ASB14: variants seen among roughly 807,000 people sequenced by gnomAD.
ASB14 encodes the protein ankyrin repeat and SOCS box protein 14.
ASB14 carries 63 observed loss-of-function variants against 55.6 expected under a neutral mutation model. That is an observed-to-expected ratio of 1.13 (90% CI 0.92 to 1.40). The LOEUF (loss-of-function observed/expected upper bound fraction) is 1.40. ASB14 is among the 40% of genes most tolerant of loss of function. The pLI, the probability that ASB14 is intolerant of heterozygous loss-of-function variation, is 0.00. For missense variants in ASB14, 724 were observed against 710.4 expected, an observed-to-expected ratio of 1.02 and a Z score of -0.22; for synonymous variants, 256 against 259.9, an observed-to-expected ratio of 0.98 and a Z score of 0.15.
At position 57,291,704 on chromosome 3, in the gene ASB14, TTCAGA is replaced by T. The variant is rs1353108719; in HGVS notation, c.122+203_122+207del. The stretch of plus-strand genomic sequence containing the variant: ...TCACCCAGATTTGCTGCTAACCTCC[TTCAGA>T]TATTTTTATTGCCTAATTAAATTCT... On this transcript the variant is annotated intron_variant, in intron 2 of 10. Coordinates refer to ENST00000487349, the MANE Select transcript of ASB14 (RefSeq NM_001142733.3). 5.3e-5 allele frequency among the ~76,000 whole-genome samples: 8 copies of T among 152,336 alleles called. No individual in the cohort carries two copies. In the East Asian group the frequency reaches 1.5e-3, roughly 29 times the overall value.
At chr3:57,277,668 C>A in intron 9 of ASB14, 99 bp downstream of exon 9, 1 of 1,105,244 alleles carries the variant, frequency 9.0e-7, no homozygotes. Flanking sequence ...TTAAGTCAAG[C>A]TTTTAACCAG....
At chr3:57,280,571 T>C in intron 6 of ASB14, 98 bp from the exon 7 acceptor site, 1 of 1,038,054 alleles carries the variant, frequency 9.6e-7, no homozygotes, top group South Asian at 1.7e-5. Flanking sequence ...AAGCAATTAG[T>C]GAGCACGCAC....
intron 5 of ASB14, among the ~76,000 whole-genome samples, chr3:57,284,094 A>ATATG (rs1553640085): frequency 7.3e-5 from 10 of 136,488 alleles, no homozygotes; most frequent in African/African-American, 2.8e-4. Context: ...AACACTGTGT[A>ATATG]TGTGTGTGTG....
At chr3:57,273,193 T>G (rs2060958055) in intron 10 of ASB14, 1 of 152,654 alleles carries the variant, frequency 6.6e-6, no homozygotes, top group African/African-American at 2.4e-5. Flanking sequence ...CTTTGTATAT[T>G]TGGTGATTTT....
intron 10 of ASB14, chr3:57,270,966 C>T (rs2107615547): frequency 6.6e-6 from 1 of 152,096 alleles, no homozygotes; most frequent in East Asian, 1.9e-4. Context: ...TTTCTGTAAT[C>T]ACTTTTAACA....
intron 2 of ASB14, among the ~76,000 whole-genome samples, chr3:57,290,734 T>A (rs1393883290): frequency 6.6e-6 from 1 of 152,196 alleles, no homozygotes; most frequent in Non-Finnish European, 1.5e-5. Flanking sequence ...TTAGCCCAAC[T>A]CTCTTATACC....
chr3:57,288,039 C>T lies in ASB14; in HGVS notation c.331G>A (p.Glu111Lys). The T allele has an allele frequency of 1.3e-6, 2 of 1,537,314 alleles. No homozygotes were observed. The highest frequency in any genetic ancestry group is 2.4e-5 in the South Asian group (2 of 84,054). Residue 111 changes from glutamate (E) to lysine (K), a missense_variant, in exon 5 of 11, where the codon GAG (glutamate) becomes AAG (lysine). Coordinates refer to ENST00000487349, the MANE Select transcript of ASB14 (RefSeq NM_001142733.3). ...GTTTCACCATTGTGAGTGGTTTGCT[C>T]CCACAGACTGGGGTCTGAAGCTGAA... is the stretch of plus-strand genomic sequence containing the variant. ...TLSASDPSLW[E>K]QTTHNGETPL...
At chr3:57,274,136 T>C (rs1048622308) in intron 10 of ASB14, among the ~76,000 whole-genome samples, 1 of 152,164 alleles carries the variant, frequency 6.6e-6, no homozygotes, top group Non-Finnish European at 1.5e-5. Context: ...TGAAATAGTC[T>C]ATATAGCCAT....
chr3:57,278,742 T>C lies in ASB14; in HGVS notation c.1066A>G (p.Arg356Gly), dbSNP rs754710194. ...ACAGCAAAATACAAAGCTGACTTCC[T>C]GTGGTCATCGTAGTGTTTGTTAATT... Reference protein sequence around the residue: ...QRINKHYDDHRKSALYFAVSN... With the variant: ...QRINKHYDDHGKSALYFAVSN... Residue 356 changes from arginine (R) to glycine (G), a missense_variant, in exon 8 of 11, where the codon AGG becomes GGG. Transcript: ENST00000487349. The C allele has an allele frequency of 9.3e-6, 15 of 1,613,730 alleles. No homozygotes were observed. In the South Asian group the frequency reaches 1.4e-4, roughly 15 times the overall value.
intron 3 of ASB14, among the ~76,000 whole-genome samples, chr3:57,288,640 G>A (rs907005234): frequency 4.7e-5 from 7 of 150,186 alleles, no homozygotes; most frequent in Non-Finnish European, 8.9e-5. Flanking sequence ...ATGAAGCAAA[G>A]AGCTCCTGCT....
chr3:57,280,359 A>G lies in ASB14; in HGVS notation c.830T>C (p.Ile277Thr). Residue 277 changes from isoleucine (I) to threonine (T), a missense_variant, in exon 7 of 11, where the codon ATC becomes ACC. Physicochemically the swap from Ile to Thr is moderately conservative, Grantham distance 89. Coordinates refer to ENST00000487349, the MANE Select transcript of ASB14 (RefSeq NM_001142733.3). ...GGGCAGGTGGCCTGAATTCTTAGGG[A>G]TGTTGGCATCAGCTCCATACTCCAG... ...LLLEYGADAN[I>T]PKNSGHLPIH... 1 of 1,551,208 alleles carries G rather than the reference A, an allele frequency of 6.4e-7. No homozygotes were observed. The highest frequency in any genetic ancestry group is 1.2e-5 in the South Asian group (1 of 84,020).
intron 5 of ASB14, among the ~76,000 whole-genome samples, chr3:57,285,494 C>A (rs912122523): frequency 1.3e-5 from 2 of 152,090 alleles, no homozygotes; most frequent in Admixed American, 1.3e-4. Context: ...CTCCTGTCCC[C>A]ACCACATGTG....
chr3:57,278,782 G>A lies in ASB14; in HGVS notation c.1026C>T (p.Phe342=). 3 of 1,613,432 alleles carry A rather than the reference G, an allele frequency of 1.9e-6. No homozygotes were observed. In the South Asian group the frequency reaches 3.3e-5, roughly 18 times the overall value. Residue 342 remains phenylalanine, a synonymous_variant, in exon 8 of 11, where the codon TTC becomes TTT. Transcript: ENST00000487349. The part of the protein sequence containing the change: ...LLIQAGFDVN[F]MLDQRINKHY... The stretch of plus-strand genomic sequence containing the variant: ...GTTTGTTAATTCTCTGATCCAGCAT[G>A]AAGTTCACATCAAATCCAGCCTGGA...
At chr3:57,285,743 C>T (rs1253377454) in intron 5 of ASB14, among the ~76,000 whole-genome samples, 2 of 152,162 alleles carry the variant, frequency 1.3e-5, no homozygotes, top group African/African-American at 4.8e-5. Context: ...AGATGTCATT[C>T]CTAGCCCACC....
intron 5 of ASB14, among the ~76,000 whole-genome samples, chr3:57,284,818 C>A (rs1346217383): frequency 6.6e-6 from 1 of 152,090 alleles, no homozygotes. Context: ...TCAGAGAAGG[C>A]TTTTCTGCTC....
At position 57,277,857 on chromosome 3, in the gene ASB14, G is replaced by A; in HGVS notation, c.1495C>T (p.Leu499Phe). The A allele has an allele frequency of 1.2e-6, 2 of 1,613,866 alleles. No homozygotes were observed. The highest frequency in any genetic ancestry group is 4.5e-5 in the East Asian group (2 of 44,848). ...ATCCGAACTTGATCAACATAATCAAGCATCACTCGAACAACCTTTCCAGAG... is the reference window on the plus strand; with the variant it reads ...ATCCGAACTTGATCAACATAATCAAACATCACTCGAACAACCTTTCCAGAG... ...HLSGKVVRVM[L>F]DYVDQVRICS... The change falls in exon 9 of 11, where the codon CTT becomes TTT. Residue 499 changes from leucine to phenylalanine, a missense_variant. Physicochemically the swap from Leu to Phe is conservative, Grantham distance 22 (BLOSUM62 0). Coordinates refer to ENST00000487349, the MANE Select transcript of ASB14 (RefSeq NM_001142733.3).
In ASB14 at chr3:57,286,662, A is replaced by C. The variant is rs911019077; in HGVS notation, c.469+1239T>G. On this transcript the variant is annotated intron_variant, in intron 5 of 10. Transcript: ENST00000487349. Reference sequence around the variant, plus strand: ...ATAATTTGCCACAGAAAGTTCTCTCATTGCTCTAAGACTAAGACTAGAAAC... The same window carrying C: ...ATAATTTGCCACAGAAAGTTCTCTCCTTGCTCTAAGACTAAGACTAGAAAC... Among the ~76,000 whole-genome samples, 5 of 152,322 alleles carry C rather than the reference A, an allele frequency of 3.3e-5. No homozygotes were observed. In the East Asian group the frequency reaches 9.6e-4, roughly 29 times the overall value.
rs572915163 is a variant in ASB14 at position 57,292,041 on chromosome 3, G to A, written c.-8C>T. On this transcript the variant is annotated 5_prime_UTR_variant, in exon 2 of 11. It adds an upstream start codon to the 5' untranslated region. Coordinates refer to ENST00000487349, the MANE Select transcript of ASB14 (RefSeq NM_001142733.3). ...GCTGGTGTAATTATCCATGTGAAAC[G>A]TGGACAGGTTTACTTTAAAGTCAGA... The A allele has an allele frequency of 2.6e-5, 40 of 1,533,394 alleles. No homozygotes were observed. The highest frequency in any genetic ancestry group is 1.1e-4 in the African/African-American group (8 of 73,040). 95.0% of individuals were successfully genotyped at this position (1,533,394 alleles called of 1,614,324 possible).
intron 10 of ASB14, chr3:57,271,663 G>C (rs1256083057): frequency 6.6e-6 from 1 of 152,228 alleles, no homozygotes; most frequent in Non-Finnish European, 1.5e-5. Context: ...GCTTTGCATG[G>C]TAGCAAGTGC....
Sources: allele counts gnomAD v4.1 joint callset (sites outside exome capture counted in the v4.1 genomes callset), GRCh38; gene constraint gnomAD v4.1.1; transcripts MANE v1.5; gene names NCBI Gene and HGNC (gene_info 2026-07-23, HGNC 2026-07-21).